The following PSMD3 variants were observed in gnomAD, a reference collection of about 807,000 sequenced individuals.
PSMD3 encodes the protein 26S proteasome non-ATPase regulatory subunit 3.
In PSMD3, 5 loss-of-function variants were observed where a neutral mutation model predicts 62.8. The observed-to-expected ratio is 0.08, with a 90% CI of 0.04 to 0.17. PSMD3 has a LOEUF of 0.17. PSMD3 is among the 10% of genes least tolerant of loss of function. The pLI is 1.00. For synonymous variants in PSMD3, 265 were observed against 283.9 expected, an observed-to-expected ratio of 0.93 and a Z score of 0.67; for missense variants, 524 against 713.6, an observed-to-expected ratio of 0.73 and a Z score of 3.03.
intron 6 of PSMD3, chr17:39,993,929 C>CT (rs1404927950): frequency 1.3e-5 from 2 of 152,210 alleles, no homozygotes; most frequent in Admixed American, 6.5e-5. Context: ...TACGTGCAGA[C>CT]TTTATACTGC....
chr17:39,989,568 A>G (rs1207474957), intron 4 of PSMD3, among the ~76,000 whole-genome samples, 171 bp from the exon 5 acceptor site: 1 of 152,160 alleles, frequency 6.6e-6, no homozygotes, highest in Non-Finnish European at 1.5e-5. Flanking sequence ...CCTTTGTCGC[A>G]CCCAGAATAG....
At chr17:39,985,430 A>G (rs1365822219) in intron 2 of PSMD3, among the ~76,000 whole-genome samples, 1 of 152,230 alleles carries the variant, frequency 6.6e-6, no homozygotes, top group Non-Finnish European at 1.5e-5. Flanking sequence ...TAGTGAATGC[A>G]GACGAAGTCA....
chr17:39,991,740 G>A (rs1980659175), intron 6 of PSMD3, among the ~76,000 whole-genome samples: 1 of 152,160 alleles, frequency 6.6e-6, no homozygotes, highest in South Asian at 2.1e-4. Flanking sequence ...GAAAGAGAAA[G>A]GGTCTTAAAG....
intron 3 of PSMD3, 72 bp from the exon 4 acceptor site, chr17:39,988,611 G>T: frequency 1.3e-6 from 2 of 1,545,768 alleles, no homozygotes; most frequent in Non-Finnish European, 1.8e-6. Flanking sequence ...AGGAATTGCT[G>T]GCTCAAATGA....
Position 39,980,933 on chromosome 17 carries a change from G to A in PSMD3, c.-38G>A, listed in dbSNP as rs762880605. ...GGTGCGAGGGTTAACGCGAGGCCCC[G>A]GCCTCGGTCCCCGGACTAGGCCGTG... On this transcript the variant is annotated 5_prime_UTR_variant, in exon 1 of 12. Coordinates refer to ENST00000264639, the MANE Select transcript of PSMD3 (RefSeq NM_002809.4). The A allele has an allele frequency of 5.5e-6, 8 of 1,463,674 alleles. No homozygotes were observed. The South Asian group carries it at 1.1e-4, about 21-fold the overall frequency. 90.7% of individuals were successfully genotyped at this position (1,463,674 alleles called of 1,614,324 possible).
At chr17:39,988,964 C>T (rs1980591037) in intron 4 of PSMD3, 145 bp downstream of exon 4, 6 of 1,106,920 alleles carry the variant, frequency 5.4e-6, no homozygotes, top group East Asian at 2.4e-5. Context: ...CCCTGCGCCA[C>T]GTGAGGGGTG....
chr17:39,996,169 T>C lies in PSMD3; in HGVS notation c.1321-14T>C, dbSNP rs1404446701. On this transcript the variant is annotated splice_polypyrimidine_tract_variant and intron_variant, in intron 9 of 11. Transcript: ENST00000264639. This position sits in a 1 kb window ranked among gnomAD's most constrained non-coding sequence, Gnocchi z 5.1. ...TGGGTGTGCTGGTGAACTTTCCTCT[T>C]TGGGGGCCTGCAGGCCATCCGGGAT... The C allele has an allele frequency of 2.5e-6, 4 of 1,613,252 alleles. No homozygotes were observed. The highest frequency in any genetic ancestry group is 3.4e-6 in the Non-Finnish European group (4 of 1,179,924).
chr17:39,981,493 T>G (rs1980384506), intron 1 of PSMD3, among the ~76,000 whole-genome samples: 1 of 152,200 alleles, frequency 6.6e-6, no homozygotes. Flanking sequence ...ACCTATTCCG[T>G]TTATATCCCA....
chr17:39,990,247 T>A (rs955113149), intron 6 of PSMD3, 50 bp downstream of exon 6: 37 of 1,356,376 alleles, frequency 2.7e-5, no homozygotes, highest in African/African-American at 1.5e-4. Context: ...TTTTTTTTTT[T>A]AAATGGTGTC....
Position 39,989,882 on chromosome 17 carries a change from C to A in PSMD3, c.830C>A (p.Pro277Gln), listed in dbSNP as rs774640764. The change falls in exon 5 of 12, where the codon CCA (proline) becomes CAA (glutamine). Residue 277 changes from proline (P) to glutamine (Q), a missense_variant. By Grantham distance (76) the Pro-to-Gln change is moderately conservative. This residue lies in a region of PSMD3 where 396 missense variants were observed against 475.8 expected (regional missense o/e 0.83). Transcript: ENST00000264639. ...AEKLVSKSVF[P>Q]EQANNNEWAR... ...AAGCTGGTGTCCAAGTCTGTGTTCCCAGAGCAGGCCAACAACAATGAGTGG... is the reference window on the plus strand; with the variant it reads ...AAGCTGGTGTCCAAGTCTGTGTTCCAAGAGCAGGCCAACAACAATGAGTGG... 6.2e-7 allele frequency: 1 copy of A among 1,614,158 alleles called. No homozygotes were observed. The highest frequency in any genetic ancestry group is 8.5e-7 in the Non-Finnish European group (1 of 1,180,016).
intron 5 of PSMD3, 50 bp downstream of exon 5, chr17:39,989,979 T>C (rs202088504): frequency 6.3e-7 from 1 of 1,593,122 alleles, no homozygotes; most frequent in Non-Finnish European, 8.6e-7. Flanking sequence ...CAGGCCTGCC[T>C]GGTGCAAATT....
intron 4 of PSMD3, 150 bp downstream of exon 4, chr17:39,988,969 G>A: frequency 2.8e-6 from 3 of 1,075,574 alleles, no homozygotes; most frequent in African/African-American, 3.1e-5. Context: ...CGCCACGTGA[G>A]GGGTGTGGGA....
intron 6 of PSMD3, chr17:39,993,669 G>C (rs1008629733): frequency 6.6e-6 from 1 of 152,252 alleles, no homozygotes; most frequent in Non-Finnish European, 1.5e-5. Context: ...AGACACTTCT[G>C]CCTGGTCATC....
chr17:39,990,308 C>A, intron 6 of PSMD3, 111 bp downstream of exon 6: 1 of 925,480 alleles, frequency 1.1e-6, no homozygotes, highest in Admixed American at 2.5e-5. Context: ...AGAAGTCCTC[C>A]CACCTCAGCT....
chr17:39,997,483 C>G, intron 11 of PSMD3, 21 bp from the exon 12 acceptor site: 1 of 1,614,018 alleles, frequency 6.2e-7, no homozygotes, highest in Non-Finnish European at 8.5e-7. Context: ...AAGCTTTGGC[C>G]TCACTTGCCT....
intron 1 of PSMD3, among the ~76,000 whole-genome samples, chr17:39,981,472 C>T (rs557902200): frequency 2.6e-5 from 4 of 152,198 alleles, no homozygotes; most frequent in African/African-American, 4.8e-5. Flanking sequence ...TCTTTTAAGT[C>T]CTCCCCTCTG....
In PSMD3 at chr17:39,990,105, G is replaced by A; in HGVS notation, c.889G>A (p.Ala297Thr). Residue 297 changes from alanine (A) to threonine (T), a missense_variant, in exon 6 of 12, where the codon GCC becomes ACC. Coordinates refer to ENST00000264639, the MANE Select transcript of PSMD3 (RefSeq NM_002809.4). ...RYLYYTGRIKAIQLEYSEARR... is the reference protein window; with the variant it reads ...RYLYYTGRIKTIQLEYSEARR... ...TCCTCCACTCCCAGGGCGAATCAAAGCCATCCAGCTGGAGTACTCAGAGGC... is the reference window on the plus strand; with the variant it reads ...TCCTCCACTCCCAGGGCGAATCAAAACCATCCAGCTGGAGTACTCAGAGGC... The A allele has an allele frequency of 6.2e-7, 1 of 1,614,016 alleles. No individual in the cohort carries two copies. The highest frequency in any genetic ancestry group is 8.5e-7 in the Non-Finnish European group (1 of 1,179,946).
At chr17:39,990,951 G>A (rs571623811) in intron 6 of PSMD3, among the ~76,000 whole-genome samples, 3 of 152,214 alleles carry the variant, frequency 2.0e-5, no homozygotes, top group African/African-American at 7.2e-5. Context: ...TAGGAAGGGA[G>A]GATAATAAGT....
Position 39,996,941 on chromosome 17 carries a change from CT to C in PSMD3, c.1477-386del. The C allele has an allele frequency of 2.5e-6, 1 of 402,408 alleles. No individual in the cohort carries two copies. Among genetic ancestry groups the C allele is most frequent in the South Asian group, 2.1e-5 (1 of 48,742 alleles). 24.9% of individuals were successfully genotyped at this position (402,408 alleles called of 1,614,324 possible). The stretch of plus-strand genomic sequence containing the variant: ...CCTACTCCACGTGACATGCAAGGCC[CT>C]TTGTGACCTGGTCCCTTAGGTCAAG... On this transcript the variant is annotated intron_variant, in intron 10 of 11. Transcript: ENST00000264639. The surrounding 1 kb of genome is among the most constrained non-coding windows in gnomAD (Gnocchi z 5.1).
Sources: allele counts gnomAD v4.1 joint callset (sites outside exome capture counted in the v4.1 genomes callset), GRCh38; gene constraint gnomAD v4.1.1; regional missense constraint gnomAD v4.1.1; non-coding constraint Gnocchi (gnomAD v3.1); transcripts MANE v1.5; gene names NCBI Gene and HGNC (gene_info 2026-07-23, HGNC 2026-07-21).